Variants in LHCGR observed in about 807,000 individuals in gnomAD.
LHCGR encodes the protein lutropin-choriogonadotropic hormone receptor.
Under a neutral mutation model 60.7 loss-of-function variants are expected in LHCGR, and 55 were observed. That is an observed-to-expected ratio of 0.91 (90% CI 0.73 to 1.13). The LOEUF is 1.13. LHCGR is among the 50% of genes most tolerant of loss of function. The pLI is 0.00. For synonymous variants in LHCGR, 337 were observed against 316.5 expected, an observed-to-expected ratio of 1.06 and a Z score of -0.69; for missense variants, 862 against 836.0, an observed-to-expected ratio of 1.03 and a Z score of -0.38.
chr2:48,698,723 G>A lies in LHCGR; in HGVS notation c.758C>T (p.Ser253Phe), dbSNP rs756064812. The change falls in exon 9 of 11, where the codon TCC becomes TTC. Residue 253 changes from serine to phenylalanine, a missense_variant. Ser to Phe is a radical substitution (Grantham distance 155). Coordinates refer to ENST00000294954, the MANE Select transcript of LHCGR (RefSeq NM_000233.4). Reference sequence around the variant, plus strand: ...TGATGGCAATTTTTTTAGAGAATAGGATGACGTGGCAATTAGCCTCTGAAT... The same window carrying A: ...TGATGGCAATTTTTTTAGAGAATAGAATGACGTGGCAATTAGCCTCTGAAT... Reference protein sequence around the residue: ...ESIQRLIATSSYSLKKLPSRE... With the variant: ...ESIQRLIATSFYSLKKLPSRE... The A allele has an allele frequency of 1.2e-6, 2 of 1,614,010 alleles. No individual in the cohort carries two copies.
chr2:48,710,785 C>T (rs1423449123), intron 7 of LHCGR, among the ~76,000 whole-genome samples: 1 of 152,202 alleles, frequency 6.6e-6, no homozygotes, highest in Non-Finnish European at 1.5e-5. Context: ...GCGAACTTTG[C>T]AGGACTTCAG....
chr2:48,687,950 G>T lies in LHCGR; in HGVS notation c.1847C>A (p.Ser616Tyr), dbSNP rs121912525. The stretch of plus-strand genomic sequence containing the variant: ...TGCATACAGAAATGGATTGGCACAA[G>T]AATTGATGGGATAAAAAAGAACCAG... ...VLLVLFYPIN[S>Y]CANPFLYAIF... The change falls in exon 11 of 11, where the codon TCT becomes TAT. Residue 616 changes from serine (S) to tyrosine (Y), a missense_variant. Physicochemically the swap from Ser to Tyr is moderately radical, Grantham distance 144 (BLOSUM62 -2). Transcript: ENST00000294954. 1.2e-5 allele frequency: 19 copies of T among 1,614,136 alleles called. No individual in the cohort carries two copies. In the Admixed American group the frequency reaches 2.8e-4, roughly 24 times the overall value.
intron 1 of LHCGR, among the ~76,000 whole-genome samples, chr2:48,745,812 G>A (rs897224924): frequency 2.6e-5 from 4 of 151,310 alleles, no homozygotes; most frequent in African/African-American, 9.7e-5. Flanking sequence ...TAACCTGCAT[G>A]TTGTGCACAT....
At chr2:48,704,466 A>G (rs1667565104) in intron 8 of LHCGR, among the ~76,000 whole-genome samples, 1 of 152,196 alleles carries the variant, frequency 6.6e-6, no homozygotes, top group Admixed American at 6.5e-5. Flanking sequence ...AAGGAATGGT[A>G]CCAGCTCCTC....
Position 48,755,432 on chromosome 2 carries a change from G to T in LHCGR, c.161+79C>A. Reference sequence around the variant, plus strand: ...AAGCTTCCAGGGAAAGGGGGCCAAAGGAGTAGGGAGGGAAGGTGGCATAGA... The same window carrying T: ...AAGCTTCCAGGGAAAGGGGGCCAAATGAGTAGGGAGGGAAGGTGGCATAGA... On this transcript the variant is annotated intron_variant, in intron 1 of 10. Transcript: ENST00000294954. 7 of 892,096 alleles carry T rather than the reference G, an allele frequency of 7.8e-6. No homozygotes were observed. The South Asian group carries it at 1.1e-4, about 14-fold the overall frequency. 55.3% of individuals were successfully genotyped at this position (892,096 alleles called of 1,614,324 possible).
chr2:48,705,140 G>A (rs1231736442), intron 8 of LHCGR, among the ~76,000 whole-genome samples: 1 of 151,996 alleles, frequency 6.6e-6, no homozygotes, highest in Non-Finnish European at 1.5e-5. Flanking sequence ...CCTTCATTTC[G>A]TTATGTACCC....
At chr2:48,745,749 T>A (rs1669670753) in intron 1 of LHCGR, among the ~76,000 whole-genome samples, 1 of 149,206 alleles carries the variant, frequency 6.7e-6, no homozygotes, top group Non-Finnish European at 1.5e-5. Flanking sequence ...TAATGCTAGA[T>A]GACGAGTTAG....
chr2:48,721,756 G>T (rs1285002143), intron 6 of LHCGR: 1 of 470,950 alleles, frequency 2.1e-6, no homozygotes, highest in African/African-American at 2.0e-5. Flanking sequence ...CTCCTTTATT[G>T]CCTCATCACA....
At chr2:48,696,688 A>T in intron 9 of LHCGR, among the ~76,000 whole-genome samples, 1 of 152,208 alleles carries the variant, frequency 6.6e-6, no homozygotes, top group East Asian at 1.9e-4. Flanking sequence ...ACTTTTACTG[A>T]TGAGGAAGGA....
At chr2:48,706,641 T>C (rs1667692678) in intron 8 of LHCGR, among the ~76,000 whole-genome samples, 1 of 152,236 alleles carries the variant, frequency 6.6e-6, no homozygotes, top group African/African-American at 2.4e-5. Flanking sequence ...ATTAATTTGA[T>C]CTTCAATGAC....
intron 2 of LHCGR, among the ~76,000 whole-genome samples, chr2:48,730,393 A>G (rs1018261877): frequency 6.6e-6 from 1 of 152,226 alleles, no homozygotes; most frequent in African/African-American, 2.4e-5. Context: ...GGAATTTCCT[A>G]TAATATGCAG....
rs557980799 is a variant in LHCGR at position 48,727,288 on chromosome 2, A to C, written c.309-1538T>G. Among the ~76,000 whole-genome samples the C allele has an allele frequency of 5.1e-4, 77 of 152,322 alleles. 3 individuals are homozygous for C. In the South Asian group the frequency reaches 0.016, roughly 31 times the overall value. ...AAAAAAAGATTAAAAGAAATTTAAT[A>C]AAAGAATTTTGGGGCCTGACCTTAG... On this transcript the variant is annotated intron_variant, in intron 3 of 10. Transcript: ENST00000294954.
intron 3 of LHCGR, among the ~76,000 whole-genome samples, chr2:48,726,626 C>T (rs76513498): frequency 0.013 from 2,011 of 152,286 alleles, 51 homozygotes; most frequent in African/African-American, 0.046. Flanking sequence ...TGACAGCCAC[C>T]TGAGGAAATA....
chr2:48,743,715 T>C (rs1424377896), intron 1 of LHCGR, among the ~76,000 whole-genome samples: 1 of 151,598 alleles, frequency 6.6e-6, no homozygotes, highest in South Asian at 2.1e-4. Context: ...GAGCTATCTA[T>C]GACAAACCCA....
chr2:48,704,113 G>A (rs1187395449), intron 8 of LHCGR, among the ~76,000 whole-genome samples: 3 of 152,168 alleles, frequency 2.0e-5, no homozygotes, highest in African/African-American at 7.2e-5. Context: ...GTTGAATTTT[G>A]TCGAAGGCCT....
chr2:48,728,489 T>G (rs189624889), intron 3 of LHCGR, among the ~76,000 whole-genome samples: 2 of 152,278 alleles, frequency 1.3e-5, no homozygotes, highest in East Asian at 3.9e-4. Flanking sequence ...AGAAGTCACA[T>G]GCATTGATTT....
At chr2:48,698,867 A>C in intron 8 of LHCGR, 67 bp from the exon 9 acceptor site, 1 of 1,358,418 alleles carries the variant, frequency 7.4e-7, no homozygotes, top group Non-Finnish European at 1.0e-6. Context: ...TTTGAGACGG[A>C]GTCTTGCTCC....
intron 6 of LHCGR, among the ~76,000 whole-genome samples, chr2:48,719,608 A>G (rs1225032490): frequency 1.3e-5 from 2 of 152,158 alleles, no homozygotes; most frequent in Non-Finnish European, 2.9e-5. Context: ...TCTTGAGGAG[A>G]TTTAATGAAC....
chr2:48,738,739 A>T (rs2961234), intron 1 of LHCGR, among the ~76,000 whole-genome samples: 1 of 152,218 alleles, frequency 6.6e-6, no homozygotes, highest in Non-Finnish European at 1.5e-5. Flanking sequence ...AATGCATACC[A>T]GGTTTTGAAG....
Sources: gnomAD v4.1 joint callset for allele counts (sites outside exome capture counted in the v4.1 genomes callset) on GRCh38, gnomAD v4.1.1 for gene constraint, MANE v1.5 for transcripts, NCBI Gene and HGNC (gene_info 2026-07-23, HGNC 2026-07-21) for gene names.